The following RGS9 variants were observed in gnomAD, a reference collection of about 807,000 sequenced individuals.
The protein encoded by RGS9 is regulator of G protein signaling 9.
A neutral mutation model predicts 102.0 loss-of-function variants in RGS9; 78 were observed. That is an observed-to-expected ratio of 0.76 (90% CI 0.64 to 0.92). The LOEUF (loss-of-function observed/expected upper bound fraction) is 0.92. RGS9 is among the 40% of genes least tolerant of loss of function. RGS9 has a pLI of 0.00. For synonymous variants in RGS9, 353 were observed against 318.6 expected, an observed-to-expected ratio of 1.11 and a Z score of -1.15; for missense variants, 833 against 866.1, an observed-to-expected ratio of 0.96 and a Z score of 0.48.
intron 1 of RGS9, among the ~76,000 whole-genome samples, chr17:65,139,138 GGTCCTCTTC>G (rs2143941463): frequency 1.5e-5 from 1 of 64,602 alleles, no homozygotes; most frequent in Non-Finnish European, 2.8e-5. Context: ...CTCCACCCCA[GGTCCTCTTC>G]CTCCACCCTG....
Position 65,160,297 on chromosome 17 carries a change from G to A in RGS9, c.270G>A (p.Lys90=), listed in dbSNP as rs1383246248. ...ACATTTACCCCCTGCAAGACCCCAAGAATCTCATTCTCAAGCCTGATGGCA... is the reference window on the plus strand; with the variant it reads ...ACATTTACCCCCTGCAAGACCCCAAAAATCTCATTCTCAAGCCTGATGGCA... ...YGYIYPLQDP[K]NLILKPDGSL... The change falls in exon 4 of 19, where the codon AAG becomes AAA. Residue 90 remains lysine (K), a synonymous_variant. Coordinates refer to ENST00000262406, the MANE Select transcript of RGS9 (RefSeq NM_003835.4). The A allele has an allele frequency of 1.2e-6, 2 of 1,614,110 alleles. No individual in the cohort carries two copies. Among genetic ancestry groups the A allele is most frequent in the Middle Eastern group, 1.6e-4 (1 of 6,084 alleles).
At chr17:65,170,272 C>T (rs538161604) in intron 8 of RGS9, among the ~76,000 whole-genome samples, 7 of 152,204 alleles carry the variant, frequency 4.6e-5, no homozygotes, top group African/African-American at 1.7e-4. Context: ...TCAGCCTAGT[C>T]TTGAACTCCT....
intron 12 of RGS9, among the ~76,000 whole-genome samples, chr17:65,195,729 G>A (rs1259429683): frequency 1.6e-4 from 24 of 152,150 alleles, no homozygotes; most frequent in Admixed American, 1.3e-3. Context: ...AAACATCAAC[G>A]TTCAGGCCTT....
chr17:65,151,116 A>G (rs1910561576), intron 1 of RGS9, among the ~76,000 whole-genome samples: 1 of 152,242 alleles, frequency 6.6e-6, no homozygotes, highest in African/African-American at 2.4e-5. Flanking sequence ...AGGCTGAGGC[A>G]GGTGGATCAC....
chr17:65,180,014 T>C (rs1295418510), intron 9 of RGS9: 3 of 152,292 alleles, frequency 2.0e-5, no homozygotes, highest in African/African-American at 7.2e-5. Flanking sequence ...CTATCTCCTG[T>C]CTGTGCACTC....
At chr17:65,156,589 C>T (rs1379925522) in intron 2 of RGS9, among the ~76,000 whole-genome samples, 2 of 152,210 alleles carry the variant, frequency 1.3e-5, no homozygotes, top group African/African-American at 2.4e-5. Flanking sequence ...GTGGCTGATG[C>T]GGGAGGCTGA....
In RGS9 at chr17:65,190,180, G is replaced by A; in HGVS notation, c.690G>A (p.Met230Ile). 1 of 1,613,142 alleles carries A rather than the reference G, an allele frequency of 6.2e-7. No individual in the cohort carries two copies. Among genetic ancestry groups the A allele is most frequent in the Non-Finnish European group, 8.5e-7 (1 of 1,179,124 alleles). ...QTVVAVKKEI[M>I]YYQQALMRST... ...AACAACTGTGTCTCTTCCAGATCATGTATTACCAACAGGCCTTGATGAGGT... is the reference window on the plus strand; with the variant it reads ...AACAACTGTGTCTCTTCCAGATCATATATTACCAACAGGCCTTGATGAGGT... Residue 230 changes from methionine (M) to isoleucine (I), a missense_variant, in exon 11 of 19, where the codon ATG (methionine) becomes ATA (isoleucine). Physicochemically the swap from Met to Ile is conservative, Grantham distance 10. This residue lies in a region of RGS9 where 328 missense variants were observed against 340.6 expected (regional missense o/e 0.96). Coordinates refer to ENST00000262406, the MANE Select transcript of RGS9 (RefSeq NM_003835.4).
rs1912953151 is a variant in RGS9 at position 65,204,070 on chromosome 17, ATTC to A, written c.1065-92_1065-90del. The A allele has an allele frequency of 1.1e-5, 17 of 1,487,958 alleles. No homozygotes were observed. The South Asian group carries it at 1.6e-4, about 14-fold the overall frequency. 92.2% of individuals were successfully genotyped at this position (1,487,958 alleles called of 1,614,324 possible). ...CCACCACCCTCACCCTCGGTAACCGATTCGTATCAGTCCTTCCCTCCCAAGCAG... is the reference window on the plus strand; with the variant it reads ...CCACCACCCTCACCCTCGGTAACCGAGTATCAGTCCTTCCCTCCCAAGCAG... On this transcript the variant is annotated intron_variant, in intron 14 of 18. Coordinates refer to ENST00000262406, the MANE Select transcript of RGS9 (RefSeq NM_003835.4).
Position 65,163,064 on chromosome 17 carries a change from A to G in RGS9, c.475A>G (p.Ile159Val), listed in dbSNP as rs1911047861. 1.9e-6 allele frequency: 3 copies of G among 1,604,178 alleles called. No individual in the cohort carries two copies. Among genetic ancestry groups the G allele is most frequent in the Non-Finnish European group, 2.6e-6 (3 of 1,172,620 alleles). ...QKMNYKWDFV[I>V]MQAKEQYRAG... ...AATGAACTATAAGTGGGACTTTGTCATTATGCAGGCCAAAGAGCAGTACAG... is the reference window on the plus strand; with the variant it reads ...AATGAACTATAAGTGGGACTTTGTCGTTATGCAGGCCAAAGAGCAGTACAG... The change falls in exon 7 of 19, where the codon ATT (isoleucine) becomes GTT (valine). Residue 159 changes from isoleucine (I) to valine (V), a missense_variant. Physicochemically the swap from Ile to Val is conservative, Grantham distance 29. Transcript: ENST00000262406.
At chr17:65,215,468 TTCTTTCTCTATC>T (rs1242332340) in intron 17 of RGS9, among the ~76,000 whole-genome samples, 1 of 148,202 alleles carries the variant, frequency 6.7e-6, no homozygotes, top group African/African-American at 2.6e-5. Flanking sequence ...CTTTCTTTCT[TTCTTTCTCTATC>T]TTTCTTTCGT....
At position 65,142,873 on chromosome 17, in the gene RGS9, A is replaced by C. The variant is rs146950922; in HGVS notation, c.57+5276A>C. 2.2e-3 allele frequency among the ~76,000 whole-genome samples: 341 copies of C among 151,776 alleles called. 2 individuals carry two copies. Among genetic ancestry groups the C allele is most frequent in the African/African-American group, 7.9e-3 (327 of 41,416 alleles). ...CTGGGATTGCAGGTGTAAACCACAA[A>C]GCCTGGCCTGGTTTTCTTTTTGTTT... On this transcript the variant is annotated intron_variant, in intron 1 of 18. Transcript: ENST00000262406.
intron 8 of RGS9, among the ~76,000 whole-genome samples, chr17:65,177,080 T>C (rs1911662384): frequency 6.9e-6 from 1 of 145,270 alleles, no homozygotes; most frequent in South Asian, 2.3e-4. Flanking sequence ...CATCCATCCA[T>C]CCATCCATCC....
intron 1 of RGS9, among the ~76,000 whole-genome samples, chr17:65,139,466 G>A (rs1451643760): frequency 1.3e-5 from 2 of 151,992 alleles, no homozygotes; most frequent in African/African-American, 2.4e-5. Flanking sequence ...CCTCCTGCCT[G>A]CCTTCCACAC....
At chr17:65,164,083 A>G (rs1911085484) in intron 7 of RGS9, among the ~76,000 whole-genome samples, 1 of 152,188 alleles carries the variant, frequency 6.6e-6, no homozygotes, top group Non-Finnish European at 1.5e-5. Context: ...TATTGGGGAC[A>G]GGGAGTGGTA....
Position 65,227,499 on chromosome 17 carries a change from C to T in RGS9, c.*92C>T. On this transcript the variant is annotated 3_prime_UTR_variant, in exon 19 of 19. Transcript: ENST00000262406. ...GCCACAGGACACACTTGCTCGAGAA[C>T]CAAAGTGCATTTGGGTGACATTTGA... 3.3e-6 allele frequency: 5 copies of T among 1,502,770 alleles called. No homozygotes were observed. The highest frequency in any genetic ancestry group is 1.4e-5 in the African/African-American group (1 of 72,290). The allele number at this position is 1,502,770 out of a possible 1,614,324, so 93.1% of individuals were successfully genotyped here.
chr17:65,188,721 T>C, intron 9 of RGS9: 1 of 163,554 alleles, frequency 6.1e-6, no homozygotes, highest in Non-Finnish European at 1.3e-5. Flanking sequence ...CAGGCAACCC[T>C]CTCACCTCAG....
intron 1 of RGS9, among the ~76,000 whole-genome samples, chr17:65,145,562 TTTAA>T (rs1216565192): frequency 7.1e-6 from 1 of 141,678 alleles, no homozygotes; most frequent in Non-Finnish European, 1.6e-5. Flanking sequence ...TTTTTTTTTT[TTTAA>T]TATATTTTTA....
intron 17 of RGS9, among the ~76,000 whole-genome samples, chr17:65,220,547 G>A (rs1913669520): frequency 6.6e-6 from 1 of 152,210 alleles, no homozygotes; most frequent in Admixed American, 6.5e-5. Context: ...TTTCCCCATG[G>A]GGCTAACTTT....
intron 7 of RGS9, 93 bp downstream of exon 7, chr17:65,163,182 A>T (rs538936205): frequency 9.0e-4 from 526 of 586,662 alleles, no homozygotes; most frequent in African/African-American, 3.9e-3. Flanking sequence ...TTTTATTTTT[A>T]TTTTTTTTTT....
Sources: allele counts gnomAD v4.1 joint callset (sites outside exome capture counted in the v4.1 genomes callset), GRCh38; gene constraint gnomAD v4.1.1; regional missense constraint gnomAD v4.1.1; transcripts MANE v1.5; gene names NCBI Gene and HGNC (gene_info 2026-07-23, HGNC 2026-07-21).